ARHGAP24: variants seen among roughly 807,000 people sequenced by gnomAD.
ARHGAP24 encodes the protein Rho GTPase activating protein 24, also known as rho GTPase-activating protein 24.
Under a neutral mutation model 76.4 loss-of-function variants are expected in ARHGAP24, and 50 were observed. The observed-to-expected ratio is 0.65, with a 90% confidence interval of 0.52 to 0.83. The LOEUF is 0.83. Ranked by LOEUF, ARHGAP24 falls within the 40% of genes least tolerant of loss-of-function variation. ARHGAP24 has a pLI of 0.00. For synonymous variants in ARHGAP24, 345 were observed against 323.3 expected, an observed-to-expected ratio of 1.07 and a Z score of -0.72; for missense variants, 930 against 914.2, an observed-to-expected ratio of 1.02 and a Z score of -0.22.
At chr4:85,752,550 A>AAC (rs1726303595) in intron 3 of ARHGAP24, among the ~76,000 whole-genome samples, 1 of 152,226 alleles carries the variant, frequency 6.6e-6, no homozygotes, top group Admixed American at 6.5e-5. Context: ...ATATTAAGGC[A>AAC]CAGCACTTTT....
rs1479213788 is a variant in ARHGAP24, at chr4:85,570,880, G to A, written c.180+159G>A. 3.7e-6 allele frequency: 3 copies of A among 815,262 alleles called. No homozygotes were observed. In the African/African-American group the frequency reaches 5.2e-5, roughly 14 times the overall value. The allele number at this position is 815,262 out of a possible 1,614,324, so 50.5% of individuals were successfully genotyped here. On this transcript the variant is annotated intron_variant, in intron 2 of 9. Coordinates refer to ENST00000395184, the MANE Select transcript of ARHGAP24 (RefSeq NM_001025616.3). The stretch of plus-strand genomic sequence containing the variant: ...TTTACCCATTGCTTGCTTTGAGTTG[G>A]AGATAATAAAATCGCTAATTGAGGC...
intron 2 of ARHGAP24, among the ~76,000 whole-genome samples, chr4:85,592,292 AT>A (rs1730009047): frequency 6.6e-6 from 1 of 152,164 alleles, no homozygotes; most frequent in African/African-American, 2.4e-5. Flanking sequence ...ACTGTTTGCC[AT>A]TTGTATGTCT....
At chr4:85,733,959 T>C (rs182872646) in intron 3 of ARHGAP24, among the ~76,000 whole-genome samples, 233 of 152,328 alleles carry the variant, frequency 1.5e-3, no homozygotes, top group Middle Eastern at 3.4e-3. Flanking sequence ...ACTTAACTGT[T>C]CTTCTAAAGG....
At chr4:85,999,869 CT>C (rs1430823461) in intron 9 of ARHGAP24, 1 of 152,258 alleles carries the variant, frequency 6.6e-6, no homozygotes, top group East Asian at 1.9e-4. Context: ...AAGGAATGGG[CT>C]TTATTTTTAC....
intron 3 of ARHGAP24, among the ~76,000 whole-genome samples, chr4:85,860,836 A>T (rs1731850563): frequency 6.6e-6 from 1 of 151,972 alleles, no homozygotes; most frequent in Admixed American, 6.6e-5. Context: ...TATTAATATT[A>T]TTAAATCTTT....
At chr4:85,887,482 G>A (rs1733625565) in intron 3 of ARHGAP24, among the ~76,000 whole-genome samples, 1 of 152,068 alleles carries the variant, frequency 6.6e-6, no homozygotes, top group South Asian at 2.1e-4. Context: ...GAAAGAGATG[G>A]AACAAATATC....
intron 2 of ARHGAP24, among the ~76,000 whole-genome samples, chr4:85,589,080 A>G (rs1174149855): frequency 6.6e-6 from 1 of 152,208 alleles, no homozygotes; most frequent in Non-Finnish European, 1.5e-5. Flanking sequence ...ATGAATAGAG[A>G]TTCTGTAAAC....
intron 5 of ARHGAP24, among the ~76,000 whole-genome samples, chr4:85,943,701 C>A (rs899888168): frequency 4.6e-5 from 7 of 152,064 alleles, no homozygotes; most frequent in African/African-American, 1.7e-4. Context: ...TGAGTGAGAA[C>A]ATGCGGTGTT....
At chr4:85,897,015 C>T (rs893610150) in intron 3 of ARHGAP24, among the ~76,000 whole-genome samples, 7 of 152,122 alleles carry the variant, frequency 4.6e-5, no homozygotes, top group Non-Finnish European at 7.4e-5. Flanking sequence ...GGGCATTGCA[C>T]GTGCAGCATA....
chr4:85,916,675 G>T (rs1475053402), intron 3 of ARHGAP24, among the ~76,000 whole-genome samples: 1 of 152,100 alleles, frequency 6.6e-6, no homozygotes, highest in Non-Finnish European at 1.5e-5. Context: ...TGGGAATGAG[G>T]AAACAATTCA....
chr4:85,533,811 C>G (rs1487966022), intron 1 of ARHGAP24, among the ~76,000 whole-genome samples: 1 of 151,908 alleles, frequency 6.6e-6, no homozygotes, highest in Non-Finnish European at 1.5e-5. Flanking sequence ...GTAATAAGAT[C>G]CCACTAAACA....
intron 5 of ARHGAP24, among the ~76,000 whole-genome samples, chr4:85,947,317 G>A (rs1305546274): frequency 6.6e-6 from 1 of 152,116 alleles, no homozygotes; most frequent in East Asian, 1.9e-4. Context: ...CTTTTGCTGT[G>A]TAGAAGTTCT....
intron 3 of ARHGAP24, among the ~76,000 whole-genome samples, chr4:85,785,055 G>A (rs1727767305): frequency 6.6e-6 from 1 of 152,068 alleles, no homozygotes; most frequent in East Asian, 1.9e-4. Context: ...GTCCTTAGCA[G>A]ATGGACAGAA....
intron 3 of ARHGAP24, chr4:85,723,312 C>G (rs991246154): frequency 2.6e-5 from 4 of 152,200 alleles, no homozygotes; most frequent in Non-Finnish European, 5.9e-5. Flanking sequence ...CTGCTAGCTG[C>G]AAGGAGGTTT....
intron 2 of ARHGAP24, among the ~76,000 whole-genome samples, chr4:85,703,955 T>TG (rs546250278): frequency 3.8e-4 from 58 of 152,174 alleles, no homozygotes; most frequent in African/African-American, 1.4e-3. Context: ...CCTCAGCCCC[T>TG]GGCAATGACT....
intron 3 of ARHGAP24, among the ~76,000 whole-genome samples, chr4:85,775,248 G>A (rs1727272007): frequency 6.6e-6 from 1 of 152,132 alleles, no homozygotes; most frequent in African/African-American, 2.4e-5. Context: ...CCTGAATGAT[G>A]AGAAGATCAT....
At position 85,898,750 on chromosome 4, in the gene ARHGAP24, T is replaced by A. The variant is rs182741107; in HGVS notation, c.269-24898T>A. ...GGATTTAATATGTGCATACATTATT[T>A]TTTTTTCTTTTTTTGAGGAGTTTTG... On this transcript the variant is annotated intron_variant, in intron 3 of 9. Coordinates refer to ENST00000395184, the MANE Select transcript of ARHGAP24 (RefSeq NM_001025616.3). 4.1e-3 allele frequency among the ~76,000 whole-genome samples: 620 copies of A among 152,328 alleles called. 3 individuals are homozygous for A. Among genetic ancestry groups the A allele is most frequent in the African/African-American group, 0.014 (581 of 41,568 alleles).
At chr4:85,480,854 G>A (rs758283166) in intron 1 of ARHGAP24, among the ~76,000 whole-genome samples, 45 of 152,194 alleles carry the variant, frequency 3.0e-4, no homozygotes, top group African/African-American at 9.9e-4. Flanking sequence ...TAGGGATGTC[G>A]CTGAGAAGGG....
In ARHGAP24 at chr4:85,755,635, TGTTTTGTTTTG is replaced by T. The variant is rs1726456616; in HGVS notation, c.268+33664_268+33674del. ...AAGCTTCTATTCTTTTGTTTTGTTT[TGTTTTGTTTTG>T]TTTTGAGACGGAGTCTCGTTCTGTT... is the stretch of plus-strand genomic sequence containing the variant. On this transcript the variant is annotated intron_variant, in intron 3 of 9. Coordinates refer to ENST00000395184, the MANE Select transcript of ARHGAP24 (RefSeq NM_001025616.3). 5.4e-5 allele frequency among the ~76,000 whole-genome samples: 5 copies of T among 92,928 alleles called. 2 individuals are homozygous for T. Among genetic ancestry groups the T allele is most frequent in the Non-Finnish European group, 1.2e-4 (5 of 40,962 alleles). 61.0% of individuals were successfully genotyped at this position (92,928 alleles called of 152,430 possible). A position where few individuals can be genotyped will look rare whatever the true frequency, so the allele number is the denominator to read the frequency against.
Sources: allele counts gnomAD v4.1 joint callset (sites outside exome capture counted in the v4.1 genomes callset), GRCh38; gene constraint gnomAD v4.1.1; transcripts MANE v1.5; gene names NCBI Gene and HGNC (gene_info 2026-07-23, HGNC 2026-07-21).